Variants in AMZ1 observed in about 807,000 individuals in gnomAD.
The protein encoded by AMZ1 is archaelysin family metallopeptidase 1, also known as archaemetzincin-1.
Under a neutral mutation model 29.9 loss-of-function variants are expected in AMZ1, and 39 were observed. The ratio of observed to expected loss-of-function variants is 1.30; its 90% confidence interval spans 1.01 to 1.70. The LOEUF is 1.70. AMZ1 is among the 40% of genes most tolerant of loss of function. The probability of loss-of-function intolerance (pLI) is 0.00; values close to 1 mark genes in which losing one functional copy is unlikely to be tolerated. For missense variants in AMZ1, 1,041 were observed against 680.6 expected, an observed-to-expected ratio of 1.53 and a Z score of -5.89; for synonymous variants, 458 against 304.0, an observed-to-expected ratio of 1.51 and a Z score of -5.27.
rs1286801322 is a variant in AMZ1 at position 2,719,459 on chromosome 7, A to T, written c.*6581A>T. Among the ~76,000 whole-genome samples, 1 of 152,182 alleles carries T rather than the reference A, an allele frequency of 6.6e-6. No individual in the cohort carries two copies. Among genetic ancestry groups the T allele is most frequent in the Non-Finnish European group, 1.5e-5 (1 of 68,036 alleles). On this transcript the variant is annotated 3_prime_UTR_variant, in exon 7 of 7. Coordinates refer to ENST00000683327, the MANE Select transcript of AMZ1 (RefSeq NM_001384743.1). ...CACAAGTCCCACAATAGCCTCTCCCAACGGGAACGACTTAGCCCTAATTAC... is the reference window on the plus strand; with the variant it reads ...CACAAGTCCCACAATAGCCTCTCCCTACGGGAACGACTTAGCCCTAATTAC...
At chr7:2,728,112 T>C (rs562363223) in intron 4 of AMZ1, 1 of 152,414 alleles carries the variant, frequency 6.6e-6, no homozygotes, top group South Asian at 2.1e-4. Flanking sequence ...CTATTTTATA[T>C]TAAGCAAAGA....
At chr7:2,763,570 G>T (rs530214087), upstream of AMZ1, among the ~76,000 whole-genome samples, 2 of 152,212 alleles carry the variant, frequency 1.3e-5, no homozygotes, top group Non-Finnish European at 2.9e-5. Flanking sequence ...GTAATCTAAG[G>T]CTAGCTCGAA....
rs946889730 is a variant in AMZ1, at chr7:2,750,926, G to A, written n.551-13786G>A. The stretch of plus-strand genomic sequence containing the variant: ...AAGGTGGACAGATGGGAACAGAAGC[G>A]AGAGATATGCACACTCCAGGAGTGG... On this transcript the variant is annotated intron_variant and non_coding_transcript_variant, in intron 4 of 4. Transcript: ENST00000489665. 2.6e-5 allele frequency among the ~76,000 whole-genome samples: 4 copies of A among 152,162 alleles called. No individual in the cohort carries two copies. The South Asian group carries it at 8.3e-4, about 31-fold the overall frequency.
chr7:2,737,713 ACTT>A (rs1480729686), intron 4 of AMZ1, among the ~76,000 whole-genome samples: 2 of 152,236 alleles, frequency 1.3e-5, no homozygotes, highest in African/African-American at 4.8e-5. Flanking sequence ...TAGTTCACTC[ACTT>A]CAACGTGACA....
At chr7:2,694,225 C>G (rs114196906) in intron 1 of AMZ1, among the ~76,000 whole-genome samples, 3 of 152,178 alleles carry the variant, frequency 2.0e-5, no homozygotes, top group Non-Finnish European at 4.4e-5. Context: ...ATAGAACAGA[C>G]GGCAGAGGGA....
chr7:2,732,751 C>A (rs1463115478), intron 4 of AMZ1, among the ~76,000 whole-genome samples: 11 of 152,120 alleles, frequency 7.2e-5, no homozygotes, highest in Non-Finnish European at 1.6e-4. Flanking sequence ...GCAAAGTCCA[C>A]ATGGTAAGAA....
chr7:2,724,101 GT>G (rs1332685992), downstream of AMZ1, among the ~76,000 whole-genome samples: 27 of 148,252 alleles, frequency 1.8e-4, 1 homozygote, highest in South Asian at 6.5e-4. Flanking sequence ...GAGATGGGGA[GT>G]GGGGGGGCGG....
rs922499262 is a variant in AMZ1, at chr7:2,731,963, C to G, written n.550+22147C>G. Among the ~76,000 whole-genome samples, 1 of 152,222 alleles carries G rather than the reference C, an allele frequency of 6.6e-6. No individual in the cohort carries two copies. The highest frequency in any genetic ancestry group is 2.4e-5 in the African/African-American group (1 of 41,462). On this transcript the variant is annotated intron_variant and non_coding_transcript_variant, in intron 4 of 4. Coordinates refer to the AMZ1 transcript ENST00000489665. The surrounding 1 kb of genome is among the most constrained non-coding windows in gnomAD (Gnocchi z 6.0). ...TCATTTCAAAACGAACGGAGGCTCA[C>G]CAGTCTGAGGACGAATGCTCAGAAC...
intron 4 of AMZ1, among the ~76,000 whole-genome samples, chr7:2,737,879 A>C (rs1458654191): frequency 1.3e-5 from 2 of 152,232 alleles, no homozygotes; most frequent in African/African-American, 4.8e-5. Context: ...ACAACAGAGA[A>C]TCTTTCAAAA....
chr7:2,744,299 C>T (rs1273953360), intron 4 of AMZ1, among the ~76,000 whole-genome samples: 13 of 152,184 alleles, frequency 8.5e-5, no homozygotes, highest in Admixed American at 6.5e-5. Flanking sequence ...CTCACACGGC[C>T]GGGTACTCCT....
At chr7:2,709,459 C>A (rs1189728547) in intron 5 of AMZ1, among the ~76,000 whole-genome samples, 181 bp from the exon 6 acceptor site, 1 of 152,158 alleles carries the variant, frequency 6.6e-6, no homozygotes, top group African/African-American at 2.4e-5. Flanking sequence ...CCTGACTCAC[C>A]TTTCCCCTGG....
At chr7:2,693,534 C>T (rs771365187) in intron 1 of AMZ1, among the ~76,000 whole-genome samples, 1 of 152,032 alleles carries the variant, frequency 6.6e-6, no homozygotes, top group African/African-American at 2.4e-5. Context: ...TGTGTGCCAC[C>T]ACACCCAGCT....
At chr7:2,683,179 G>C (rs1562351395) in intron 1 of AMZ1, among the ~76,000 whole-genome samples, 1 of 152,222 alleles carries the variant, frequency 6.6e-6, no homozygotes, top group African/African-American at 2.4e-5. Flanking sequence ...GTTTCCTGCG[G>C]CTGCCGTGAC....
intron 4 of AMZ1, among the ~76,000 whole-genome samples, chr7:2,725,593 G>A (rs957769589): frequency 1.3e-5 from 2 of 152,198 alleles, no homozygotes; most frequent in Non-Finnish European, 2.9e-5. Context: ...TCCAGAGAGC[G>A]TGCAAGACAG....
At chr7:2,710,713 T>A (rs773128275) in intron 6 of AMZ1, among the ~76,000 whole-genome samples, 1 of 151,988 alleles carries the variant, frequency 6.6e-6, no homozygotes, top group Non-Finnish European at 1.5e-5. Flanking sequence ...CAAGGGAAGG[T>A]GAAGGGGGCA....
chr7:2,695,283 G>A (rs1191904511), intron 1 of AMZ1, among the ~76,000 whole-genome samples: 2 of 152,170 alleles, frequency 1.3e-5, no homozygotes, highest in Non-Finnish European at 2.9e-5. Context: ...TGCACTCCAG[G>A]AGTCCAGGAG....
chr7:2,742,877 C>G (rs1790579475), intron 4 of AMZ1, among the ~76,000 whole-genome samples: 1 of 152,202 alleles, frequency 6.6e-6, no homozygotes. Flanking sequence ...TGTATATTGG[C>G]TTGTGCCTAG....
At chr7:2,725,456 T>C (rs1051652922) in intron 4 of AMZ1, among the ~76,000 whole-genome samples, 2 of 152,198 alleles carry the variant, frequency 1.3e-5, no homozygotes, top group African/African-American at 4.8e-5. Flanking sequence ...AATGCGTCTA[T>C]TTCAATATGG....
chr7:2,693,731 A>G lies in AMZ1; in HGVS notation c.-219+5435A>G, dbSNP rs187981288. Among the ~76,000 whole-genome samples, 172 of 151,984 alleles carry G rather than the reference A, an allele frequency of 1.1e-3. 2 individuals are homozygous for G. Among genetic ancestry groups the G allele is most frequent in the African/African-American group, 4.0e-3 (168 of 41,488 alleles). On this transcript the variant is annotated intron_variant, in intron 1 of 6. Transcript: ENST00000683327. ...CCACCACGCCTGGCTAATTTTTTGT[A>G]TTTTTAGTAGAGACAGGGTTTCACC... is the stretch of plus-strand genomic sequence containing the variant.
Sources: gnomAD v4.1 joint callset for allele counts (sites outside exome capture counted in the v4.1 genomes callset) on GRCh38, gnomAD v4.1.1 for gene constraint, Gnocchi (gnomAD v3.1) non-coding constraint, MANE v1.5 for transcripts, NCBI Gene and HGNC (gene_info 2026-07-23, HGNC 2026-07-21) for gene names.